Variants in SH3GL2 observed in about 807,000 individuals in gnomAD.
The protein encoded by SH3GL2 is SH3 domain containing GRB2 like 2, endophilin A1.
SH3GL2 carries 24 observed loss-of-function variants against 46.0 expected under a neutral mutation model. The ratio of observed to expected loss-of-function variants is 0.52; its 90% confidence interval spans 0.38 to 0.73. The LOEUF is 0.73. Ranked by LOEUF, SH3GL2 falls within the 30% of genes least tolerant of loss-of-function variation. The pLI is 0.00. For missense variants in SH3GL2, 413 were observed against 424.2 expected, an observed-to-expected ratio of 0.97 and a Z score of 0.23; for synonymous variants, 196 against 147.1, an observed-to-expected ratio of 1.33 and a Z score of -2.40.
At chr9:17,592,946 A>G (rs1248338496) in intron 1 of SH3GL2, among the ~76,000 whole-genome samples, 1 of 152,160 alleles carries the variant, frequency 6.6e-6, no homozygotes, top group Non-Finnish European at 1.5e-5. Flanking sequence ...AAGGCCGGTG[A>G]TTTAATCAGT....
chr9:17,597,247 C>T (rs1164159814), intron 1 of SH3GL2, among the ~76,000 whole-genome samples: 1 of 152,194 alleles, frequency 6.6e-6, no homozygotes, highest in Non-Finnish European at 1.5e-5. Flanking sequence ...ATTGTCCTGG[C>T]ACAGTGGCTC....
intron 1 of SH3GL2, among the ~76,000 whole-genome samples, chr9:17,745,898 C>A (rs1404771175): frequency 1.3e-5 from 2 of 152,120 alleles, no homozygotes; most frequent in African/African-American, 2.4e-5. Context: ...TTATGTAATA[C>A]AGTGACAACT....
At chr9:17,608,500 C>T (rs1192900908) in intron 1 of SH3GL2, among the ~76,000 whole-genome samples, 1 of 152,182 alleles carries the variant, frequency 6.6e-6, no homozygotes, top group African/African-American at 2.4e-5. Context: ...GGTTCTTCCT[C>T]ATCCACATAG....
chr9:17,637,056 A>G (rs1215786365), intron 1 of SH3GL2, among the ~76,000 whole-genome samples: 4 of 152,342 alleles, frequency 2.6e-5, no homozygotes, highest in African/African-American at 7.2e-5. Context: ...TAGTGCATGA[A>G]GTATTTATGA....
intron 3 of SH3GL2, among the ~76,000 whole-genome samples, chr9:17,786,017 C>T (rs1166530583): frequency 3.9e-5 from 6 of 152,008 alleles, no homozygotes; most frequent in Non-Finnish European, 8.8e-5. Context: ...TCACATAATT[C>T]GAGAGTTTGT....
At chr9:17,683,079 T>A (rs951613218) in intron 1 of SH3GL2, among the ~76,000 whole-genome samples, 10 of 152,156 alleles carry the variant, frequency 6.6e-5, no homozygotes, top group African/African-American at 2.4e-4. Flanking sequence ...GGTATGAGTT[T>A]CCAAGTAGAC....
At chr9:17,586,364 C>CT (rs907580044) in intron 1 of SH3GL2, among the ~76,000 whole-genome samples, 34 of 152,038 alleles carry the variant, frequency 2.2e-4, no homozygotes, top group African/African-American at 8.2e-4. Flanking sequence ...TGTTTTCTGC[C>CT]TTTTTTTGAA....
Position 17,796,322 on chromosome 9 carries a change from A to G in SH3GL2, c.*579A>G, listed in dbSNP as rs1246881598. 6.5e-6 allele frequency: 1 copy of G among 152,676 alleles called. No homozygotes were observed. Among genetic ancestry groups the G allele is most frequent in the African/African-American group, 2.4e-5 (1 of 41,444 alleles). 9.5% of individuals were successfully genotyped at this position (152,676 alleles called of 1,614,324 possible). A position where few individuals can be genotyped will look rare whatever the true frequency, so the allele number is the denominator to read the frequency against. Reference sequence around the variant, plus strand: ...GCAAATAGGCATCTCAGCTCCTCACACTTATGGCTATTTCTGACGTATAGC... The same window carrying G: ...GCAAATAGGCATCTCAGCTCCTCACGCTTATGGCTATTTCTGACGTATAGC... On this transcript the variant is annotated 3_prime_UTR_variant, in exon 9 of 9. Transcript: ENST00000380607.
chr9:17,765,213 T>C (rs1176726183), intron 3 of SH3GL2, among the ~76,000 whole-genome samples: 13 of 123,578 alleles, frequency 1.1e-4, no homozygotes, highest in Admixed American at 2.5e-4. Flanking sequence ...ACATCTGTAT[T>C]AGATTACTGC....
chr9:17,639,684 A>T (rs1819627514), intron 1 of SH3GL2, among the ~76,000 whole-genome samples: 1 of 152,234 alleles, frequency 6.6e-6, no homozygotes, highest in Non-Finnish European at 1.5e-5. Context: ...GAACATGTTC[A>T]TACAGACTTT....
intron 1 of SH3GL2, among the ~76,000 whole-genome samples, chr9:17,654,346 A>C (rs778549046): frequency 4.6e-5 from 7 of 151,982 alleles, no homozygotes; most frequent in Non-Finnish European, 7.4e-5. Flanking sequence ...GAATAAATGG[A>C]CTCCTCTAGG....
At chr9:17,620,471 A>G (rs1400859205) in intron 1 of SH3GL2, among the ~76,000 whole-genome samples, 1 of 152,204 alleles carries the variant, frequency 6.6e-6, no homozygotes, top group Non-Finnish European at 1.5e-5. Context: ...TATCCATTTA[A>G]CTGATGAGAC....
At chr9:17,612,074 C>G (rs1818879445) in intron 1 of SH3GL2, among the ~76,000 whole-genome samples, 2 of 152,112 alleles carry the variant, frequency 1.3e-5, no homozygotes, top group African/African-American at 4.8e-5. Flanking sequence ...GGGAAGGTTG[C>G]CTAGCAGCAG....
intron 3 of SH3GL2, among the ~76,000 whole-genome samples, chr9:17,777,344 G>T (rs1242842604): frequency 1.3e-5 from 2 of 152,130 alleles, no homozygotes; most frequent in African/African-American, 2.4e-5. Context: ...GTAATAATTG[G>T]TTTGCTCACA....
At chr9:17,783,989 A>G (rs951422431) in intron 3 of SH3GL2, among the ~76,000 whole-genome samples, 1 of 152,182 alleles carries the variant, frequency 6.6e-6, no homozygotes, top group Non-Finnish European at 1.5e-5. Context: ...TTATGTTAAC[A>G]TTTAAAGATG....
rs543609617 is a variant in SH3GL2 at position 17,761,334 on chromosome 9, G to C, written c.115-103G>C. 3.9e-5 allele frequency: 29 copies of C among 751,024 alleles called. No homozygotes were observed. In the South Asian group the frequency reaches 4.2e-4, roughly 11 times the overall value. 46.5% of individuals were successfully genotyped at this position (751,024 alleles called of 1,614,324 possible). A position where few individuals can be genotyped will look rare whatever the true frequency, so the allele number is the denominator to read the frequency against. On this transcript the variant is annotated intron_variant, in intron 2 of 8. Coordinates refer to ENST00000380607, the MANE Select transcript of SH3GL2 (RefSeq NM_003026.5). Reference sequence around the variant, plus strand: ...CCTCACCTACTGCGGGACTTGTCCGGGGCTCTGTTGCATACCCCGCCATTG... The same window carrying C: ...CCTCACCTACTGCGGGACTTGTCCGCGGCTCTGTTGCATACCCCGCCATTG...
intron 1 of SH3GL2, among the ~76,000 whole-genome samples, chr9:17,737,745 C>T (rs777479985): frequency 1.3e-5 from 2 of 152,084 alleles, no homozygotes; most frequent in African/African-American, 4.8e-5. Flanking sequence ...TGGTGATGCT[C>T]AGGGTTCCTT....
intron 1 of SH3GL2, among the ~76,000 whole-genome samples, chr9:17,680,888 C>T (rs145132036): frequency 1.8e-4 from 27 of 152,132 alleles, no homozygotes; most frequent in African/African-American, 5.8e-4. Context: ...TCGTTATGTA[C>T]CCAGTAGTCA....
At chr9:17,675,466 AAT>A (rs1478567511) in intron 1 of SH3GL2, among the ~76,000 whole-genome samples, 1 of 152,244 alleles carries the variant, frequency 6.6e-6, no homozygotes, top group African/African-American at 2.4e-5. Flanking sequence ...GCATTTATGT[AAT>A]ATCAGTATCT....
Sources: allele counts gnomAD v4.1 joint callset (sites outside exome capture counted in the v4.1 genomes callset), GRCh38; gene constraint gnomAD v4.1.1; transcripts MANE v1.5; gene names NCBI Gene and HGNC (gene_info 2026-07-23, HGNC 2026-07-21).